The following DLGAP2 variants were observed in gnomAD, a reference collection of about 807,000 sequenced individuals.
The protein encoded by DLGAP2 is DLG associated protein 2.
A neutral mutation model predicts 100.3 loss-of-function variants in DLGAP2; 26 were observed. The observed-to-expected ratio is 0.26, with a 90% CI of 0.19 to 0.36. The LOEUF (loss-of-function observed/expected upper bound fraction) is 0.36, where lower values mean the gene tolerates loss of function less well. DLGAP2 is among the 10% of genes least tolerant of loss of function. The pLI, the probability that DLGAP2 is intolerant of heterozygous loss-of-function variation, is 1.00. For missense variants in DLGAP2, 1,858 were observed against 1,453.2 expected, an observed-to-expected ratio of 1.28 and a Z score of -4.53; for synonymous variants, 886 against 630.1, an observed-to-expected ratio of 1.41 and a Z score of -6.08.
intron 3 of DLGAP2, chr8:1,301,435 A>G (rs887842550): frequency 9.0e-5 from 13 of 144,480 alleles, no homozygotes; most frequent in African/African-American, 3.4e-4. Flanking sequence ...AACACTCTCC[A>G]ACCTCCACTT....
chr8:905,267 C>A (rs1340868320), intron 1 of DLGAP2, among the ~76,000 whole-genome samples: 1 of 152,076 alleles, frequency 6.6e-6, no homozygotes, highest in Non-Finnish European at 1.5e-5. Flanking sequence ...CAGTGAGTGG[C>A]TCTGCTGGTC....
chr8:1,076,885 G>A (rs1404878435), intron 2 of DLGAP2, among the ~76,000 whole-genome samples: 1 of 148,744 alleles, frequency 6.7e-6, no homozygotes, highest in African/African-American at 2.5e-5. Flanking sequence ...CCAAGAGGGG[G>A]AGGAGGAGTC....
At chr8:1,634,558 C>T (rs1176439394) in intron 8 of DLGAP2, among the ~76,000 whole-genome samples, 1 of 152,180 alleles carries the variant, frequency 6.6e-6, no homozygotes, top group Non-Finnish European at 1.5e-5. Flanking sequence ...ATGCTCTGTC[C>T]TGATGTGAAC....
chr8:1,367,687 T>G (rs1412990703), intron 3 of DLGAP2, among the ~76,000 whole-genome samples: 1 of 152,232 alleles, frequency 6.6e-6, no homozygotes, highest in African/African-American at 2.4e-5. Context: ...CGTCTTAGTT[T>G]TGTAACAAAG....
chr8:1,109,026 A>C (rs992827570), intron 2 of DLGAP2, among the ~76,000 whole-genome samples: 23 of 81,502 alleles, frequency 2.8e-4, no homozygotes, highest in South Asian at 1.3e-3. Context: ...GTGAGGTGTG[A>C]ATGTGTCTAT....
At chr8:1,089,274 C>A (rs1472202367) in intron 2 of DLGAP2, among the ~76,000 whole-genome samples, 1 of 152,266 alleles carries the variant, frequency 6.6e-6, no homozygotes, top group Admixed American at 6.5e-5. Context: ...CACAGGCTTT[C>A]TCCGGACATG....
chr8:1,067,582 C>G lies in DLGAP2; in HGVS notation c.73+159616C>G, dbSNP rs1324831905. Among the ~76,000 whole-genome samples the G allele has an allele frequency of 4.0e-5, 6 of 149,182 alleles. No homozygotes were observed. The East Asian group carries it at 1.2e-3, about 30-fold the overall frequency. ...ATGCCCATTTTCCAGATGGGAAAAC[C>G]AAGACTCAGGTGGTTGAGTGACGTG... On this transcript the variant is annotated intron_variant, in intron 2 of 14. Coordinates refer to ENST00000637795, the MANE Select transcript of DLGAP2 (RefSeq NM_001346810.2).
At chr8:1,173,959 C>T (rs200205006) in intron 2 of DLGAP2, among the ~76,000 whole-genome samples, 6 of 152,106 alleles carry the variant, frequency 3.9e-5, no homozygotes, top group Admixed American at 6.5e-5. Flanking sequence ...CAGAAATCAC[C>T]GTCTTCTGTG....
intron 2 of DLGAP2, among the ~76,000 whole-genome samples, chr8:1,230,448 C>T (rs1169516511): frequency 1.3e-5 from 2 of 152,142 alleles, no homozygotes; most frequent in South Asian, 2.1e-4. Context: ...AAGCGATCTA[C>T]AGATTCAATG....
At chr8:1,200,258 A>G (rs1797841800) in intron 2 of DLGAP2, among the ~76,000 whole-genome samples, 1 of 152,150 alleles carries the variant, frequency 6.6e-6, no homozygotes, top group African/African-American at 2.4e-5. Context: ...CTCTTTCCCC[A>G]TCGAGGCTTC....
intron 1 of DLGAP2, among the ~76,000 whole-genome samples, chr8:792,154 C>G (rs778346492): frequency 6.6e-6 from 1 of 152,162 alleles, no homozygotes; most frequent in Non-Finnish European, 1.5e-5. Flanking sequence ...AGAGGCTGAA[C>G]AAGCTGACAT....
At chr8:1,031,053 T>A (rs1801957463) in intron 2 of DLGAP2, among the ~76,000 whole-genome samples, 1 of 152,220 alleles carries the variant, frequency 6.6e-6, no homozygotes, top group Non-Finnish European at 1.5e-5. Context: ...GTCTTCTGCC[T>A]CCACTCTGTT....
chr8:1,059,884 A>C (rs369870342), intron 2 of DLGAP2, among the ~76,000 whole-genome samples: 2 of 152,160 alleles, frequency 1.3e-5, no homozygotes, highest in African/African-American at 4.8e-5. Flanking sequence ...GTCGCGATGC[A>C]AATCGCATTC....
At chr8:922,326 G>T (rs1798732126) in intron 2 of DLGAP2, among the ~76,000 whole-genome samples, 1 of 152,174 alleles carries the variant, frequency 6.6e-6, no homozygotes, top group Admixed American at 6.5e-5. Flanking sequence ...AGGGACAGCG[G>T]ACCCCTCCGG....
intron 8 of DLGAP2, among the ~76,000 whole-genome samples, chr8:1,641,286 G>C (rs985787162): frequency 6.6e-5 from 10 of 152,154 alleles, no homozygotes; most frequent in African/African-American, 2.2e-4. Context: ...AGAATTGCTC[G>C]GGTGAGAACA....
At chr8:1,532,931 G>A (rs534356359) in intron 4 of DLGAP2, among the ~76,000 whole-genome samples, 20 of 152,176 alleles carry the variant, frequency 1.3e-4, no homozygotes, top group East Asian at 3.9e-4. Flanking sequence ...CGAGCACCAC[G>A]TATGCCCCAC....
At chr8:1,523,031 T>C (rs1240373370) in intron 4 of DLGAP2, among the ~76,000 whole-genome samples, 1 of 152,206 alleles carries the variant, frequency 6.6e-6, no homozygotes, top group East Asian at 1.9e-4. Flanking sequence ...GGAGACTCAC[T>C]GGTCAGAACC....
intron 2 of DLGAP2, among the ~76,000 whole-genome samples, chr8:1,131,265 G>A (rs956189950): frequency 6.6e-6 from 1 of 152,122 alleles, no homozygotes; most frequent in African/African-American, 2.4e-5. Flanking sequence ...CGAGTGACTG[G>A]CTTAGTCACC....
At chr8:1,188,842 A>G (rs6651434) in intron 2 of DLGAP2, among the ~76,000 whole-genome samples, 17 of 152,192 alleles carry the variant, frequency 1.1e-4, no homozygotes, top group Non-Finnish European at 1.8e-4. Flanking sequence ...TTAGGAAACA[A>G]TGACTTGTCA....
Sources: gnomAD v4.1 joint callset for allele counts (sites outside exome capture counted in the v4.1 genomes callset) on GRCh38, gnomAD v4.1.1 for gene constraint, MANE v1.5 for transcripts, NCBI Gene and HGNC (gene_info 2026-07-23, HGNC 2026-07-21) for gene names.